GSE1: variants seen among roughly 807,000 people sequenced by gnomAD.
The protein encoded by GSE1 is genetic suppressor element 1.
In GSE1, 32 loss-of-function variants were observed where a neutral mutation model predicts 112.6. The observed-to-expected ratio is 0.28, with a 90% CI of 0.21 to 0.38. GSE1 has a LOEUF of 0.38. Among genes scored for constraint, GSE1 ranks in the 10% least tolerant of loss-of-function variants. The pLI, the probability that GSE1 is intolerant of heterozygous loss-of-function variation, is 1.00. For missense variants in GSE1, 2,348 were observed against 1,699.2 expected (o/e 1.38, Z -6.71); for synonymous variants, 1,115 against 735.6 (o/e 1.52, Z -8.35).
intron 1 of GSE1, among the ~76,000 whole-genome samples, chr16:85,632,403 C>T (rs2049614765): frequency 6.6e-6 from 1 of 152,170 alleles, no homozygotes; most frequent in Non-Finnish European, 1.5e-5. Flanking sequence ...TCAGTGCCCC[C>T]AAAGAATTAT....
At chr16:85,257,269 C>G (rs1423554991) in intron 1 of GSE1, among the ~76,000 whole-genome samples, 2 of 152,126 alleles carry the variant, frequency 1.3e-5, no homozygotes, top group Admixed American at 1.3e-4. Context: ...GCCACCACGC[C>G]TGGCTAATTT....
intron 2 of GSE1, among the ~76,000 whole-genome samples, chr16:85,641,351 C>G (rs985782639): frequency 6.6e-6 from 1 of 152,242 alleles, no homozygotes; most frequent in Non-Finnish European, 1.5e-5. Flanking sequence ...CCGCACCTCC[C>G]GCTGTCAGTT....
intron 1 of GSE1, among the ~76,000 whole-genome samples, chr16:85,234,089 A>C (rs1307875760): frequency 6.6e-6 from 1 of 152,172 alleles, no homozygotes; most frequent in African/African-American, 2.4e-5. Flanking sequence ...GCATTTTAAC[A>C]ACCATTGTAG....
chr16:85,392,086 A>C (rs2047851958), intron 2 of GSE1, among the ~76,000 whole-genome samples: 1 of 147,824 alleles, frequency 6.8e-6, no homozygotes. Flanking sequence ...CTCACCCCCC[A>C]CTCCCTCCCT....
chr16:85,558,105 G>A (rs1340543521), intron 1 of GSE1, among the ~76,000 whole-genome samples: 1 of 152,300 alleles, frequency 6.6e-6, no homozygotes, highest in East Asian at 1.9e-4. Context: ...TAAGGGGAGG[G>A]CGGAGTGAGC....
intron 2 of GSE1, among the ~76,000 whole-genome samples, chr16:85,447,562 C>A (rs2049550536): frequency 6.6e-6 from 1 of 152,246 alleles, no homozygotes; most frequent in Non-Finnish European, 1.5e-5. Context: ...CAGCTGTCAC[C>A]ATCATGGGCC....
At chr16:85,274,248 CAGCAGCCACCCCTGTAATCCCAGCT>C (rs1909139203) in intron 1 of GSE1, among the ~76,000 whole-genome samples, 1 of 151,798 alleles carries the variant, frequency 6.6e-6, no homozygotes, top group Non-Finnish European at 1.5e-5. Flanking sequence ...CTGGGCGTGG[CAGCAGCCACCCCTGTAATCCCAGCT>C]ACTCGGGAGG....
chr16:85,455,381 AAGAGAGAG>A (rs147528394), intron 2 of GSE1, among the ~76,000 whole-genome samples: 8 of 149,654 alleles, frequency 5.3e-5, no homozygotes, highest in South Asian at 2.1e-4. Context: ...GGCATTACAA[AAGAGAGAG>A]AGAGAGAGAG....
chr16:85,313,792 C>T (rs997829361), intron 1 of GSE1, among the ~76,000 whole-genome samples: 5 of 152,264 alleles, frequency 3.3e-5, no homozygotes, highest in Non-Finnish European at 7.3e-5. Context: ...GCTGAGCTGG[C>T]AATGTCCACC....
chr16:85,661,033 C>G (rs1275427798), intron 8 of GSE1, 113 bp from the exon 9 acceptor site: 7 of 976,856 alleles, frequency 7.2e-6, no homozygotes, highest in Admixed American at 4.7e-5. Context: ...GGCACTGGCT[C>G]TCTAAGGGGC....
At chr16:85,469,580 G>C (rs753745238) in intron 2 of GSE1, among the ~76,000 whole-genome samples, 11 of 152,166 alleles carry the variant, frequency 7.2e-5, no homozygotes, top group Non-Finnish European at 1.5e-4. Context: ...CACCTTACAT[G>C]TTTTAAAAAT....
chr16:85,461,566 G>A (rs1226093731), intron 2 of GSE1, among the ~76,000 whole-genome samples: 1 of 152,106 alleles, frequency 6.6e-6, no homozygotes, highest in Non-Finnish European at 1.5e-5. Context: ...TGTTGCGAGG[G>A]GTTCGAGACC....
intron 1 of GSE1, chr16:85,592,411 A>T (rs1403381138): frequency 6.6e-6 from 1 of 152,062 alleles, no homozygotes; most frequent in Non-Finnish European, 1.5e-5. Flanking sequence ...TGGCCTCCCA[A>T]ACTGCTGGGA....
At chr16:85,374,112 C>T (rs1409988435) in intron 2 of GSE1, among the ~76,000 whole-genome samples, 1 of 151,838 alleles carries the variant, frequency 6.6e-6, no homozygotes, top group African/African-American at 2.4e-5. Context: ...GCGTGGCCCT[C>T]AGTGTGTAGT....
chr16:85,648,760 G>C lies in GSE1; in HGVS notation c.426+9G>C, dbSNP rs201252847. 6.5e-7 allele frequency: 1 copy of C among 1,545,438 alleles called. No individual in the cohort carries two copies. Among genetic ancestry groups the C allele is most frequent in the African/African-American group, 1.4e-5 (1 of 72,480 alleles). ...GGAGTGAGAGCCGGCAGGTGAGTGG[G>C]GCGGGGCAGGGAGCCTAGCGTCCTC... is the stretch of plus-strand genomic sequence containing the variant. On this transcript the variant is annotated intron_variant, in intron 3 of 15. Coordinates refer to ENST00000253458, the MANE Select transcript of GSE1 (RefSeq NM_014615.5).
chr16:85,411,021 G>GTTACACTCAGGGCCCCCCA (rs2048522277), intron 2 of GSE1, among the ~76,000 whole-genome samples: 8 of 22,444 alleles, frequency 3.6e-4, no homozygotes, highest in Non-Finnish European at 4.5e-4. Flanking sequence ...GAGCCCCCCT[G>GTTACACTCAGGGCCCCCCA]GATAATCCTC....
At chr16:85,550,222 G>T (rs965801820) in intron 2 of GSE1, among the ~76,000 whole-genome samples, 2 of 152,150 alleles carry the variant, frequency 1.3e-5, no homozygotes, top group Admixed American at 1.3e-4. Context: ...AACCTTTGCC[G>T]ATGGTAATGA....
intron 2 of GSE1, among the ~76,000 whole-genome samples, chr16:85,641,347 C>T (rs1382996600): frequency 6.6e-6 from 1 of 152,262 alleles, no homozygotes; most frequent in Non-Finnish European, 1.5e-5. Flanking sequence ...AAACCCGCAC[C>T]TCCCGCTGTC....
chr16:85,372,486 C>CAAA (rs3030350), intron 2 of GSE1, among the ~76,000 whole-genome samples: 30 of 87,524 alleles, frequency 3.4e-4, no homozygotes, highest in African/African-American at 5.2e-4. Flanking sequence ...CTCTGTCTCA[C>CAAA]AAAAAAAAAA....
Sources: gnomAD v4.1 joint callset for allele counts (sites outside exome capture counted in the v4.1 genomes callset) on GRCh38, gnomAD v4.1.1 for gene constraint, MANE v1.5 for transcripts, NCBI Gene and HGNC (gene_info 2026-07-23, HGNC 2026-07-21) for gene names.